Variants in CDKN2AIPNL observed in about 807,000 individuals in gnomAD.
CDKN2AIPNL encodes XRN2 binding domain containing 1.
A neutral mutation model predicts 12.9 loss-of-function variants in CDKN2AIPNL; 9 were observed. The observed-to-expected ratio is 0.70, with a 90% CI of 0.42 to 1.22. The LOEUF is 1.22. Among genes scored for constraint, CDKN2AIPNL ranks in the 50% most tolerant of loss-of-function variants. CDKN2AIPNL has a pLI of 0.00. For synonymous variants in CDKN2AIPNL, 53 were observed against 61.7 expected, an observed-to-expected ratio of 0.86 and a Z score of 0.66; for missense variants, 143 against 153.6, an observed-to-expected ratio of 0.93 and a Z score of 0.37.
At chr5:134,409,286 A>T (rs571230392) in intron 2 of CDKN2AIPNL, among the ~76,000 whole-genome samples, 1 of 152,310 alleles carries the variant, frequency 6.6e-6, no homozygotes, top group African/African-American at 2.4e-5. Flanking sequence ...TGAAACAAGC[A>T]TGTTTTGGAG....
intron 2 of CDKN2AIPNL, among the ~76,000 whole-genome samples, chr5:134,406,232 C>T (rs1759102431): frequency 6.6e-6 from 1 of 152,236 alleles, no homozygotes; most frequent in African/African-American, 2.4e-5. Flanking sequence ...GTCTCCAAAT[C>T]ATCATCACTG....
At chr5:134,406,390 G>C (rs1371057916) in intron 2 of CDKN2AIPNL, among the ~76,000 whole-genome samples, 1 of 152,148 alleles carries the variant, frequency 6.6e-6, no homozygotes, top group Non-Finnish European at 1.5e-5. Context: ...TGGACATCAG[G>C]AGTATTTTGT....
chr5:134,410,924 A>C, intron 1 of CDKN2AIPNL: 1 of 677,542 alleles, frequency 1.5e-6, no homozygotes, highest in South Asian at 1.6e-5. Context: ...GGAGGGGTGA[A>C]AGGAATGCCT....
At chr5:134,408,513 C>CAAAAAAAAA (rs59056879) in intron 2 of CDKN2AIPNL, among the ~76,000 whole-genome samples, 22 of 112,646 alleles carry the variant, frequency 2.0e-4, no homozygotes, top group African/African-American at 5.5e-4. Context: ...ACTAAAAATA[C>CAAAAAAAAA]AAAAAAAAAA....
chr5:134,409,585 T>C (rs894557919), intron 2 of CDKN2AIPNL, among the ~76,000 whole-genome samples: 3 of 151,968 alleles, frequency 2.0e-5, no homozygotes, highest in African/African-American at 7.3e-5. Context: ...AATGAGATTT[T>C]TTAACAAGTA....
At chr5:134,408,841 A>G (rs577563401) in intron 2 of CDKN2AIPNL, among the ~76,000 whole-genome samples, 28 of 152,326 alleles carry the variant, frequency 1.8e-4, no homozygotes, top group African/African-American at 6.0e-4. Context: ...GATTAAAACT[A>G]AAAGAATACT....
chr5:134,406,141 A>T (rs1759101207), intron 2 of CDKN2AIPNL, among the ~76,000 whole-genome samples: 1 of 152,224 alleles, frequency 6.6e-6, no homozygotes, highest in Admixed American at 6.5e-5. Context: ...TTAAAAAAAG[A>T]GCTGGACAGA....
At chr5:134,404,202 G>A (rs1381446561) in intron 2 of CDKN2AIPNL, among the ~76,000 whole-genome samples, 1 of 152,170 alleles carries the variant, frequency 6.6e-6, no homozygotes, top group African/African-American at 2.4e-5. Flanking sequence ...ACTGGTCTGT[G>A]GGATCAGACA....
In CDKN2AIPNL at chr5:134,402,545, G is replaced by A. The variant is rs1215103463; in HGVS notation, c.*370C>T. The A allele has an allele frequency of 5.2e-6, 1 of 192,818 alleles. No individual in the cohort carries two copies. The highest frequency in any genetic ancestry group is 2.3e-5 in the African/African-American group (1 of 43,144). The allele number at this position is 192,818 out of a possible 1,614,324, so 11.9% of individuals were successfully genotyped here. On this transcript the variant is annotated 3_prime_UTR_variant, in exon 3 of 3. Coordinates refer to ENST00000458198, the MANE Select transcript of CDKN2AIPNL (RefSeq NM_080656.3). ...AAAAAACCCTGAAAATATGAGCCCA[G>A]GAGTTCGAGGCTGCAATGAGCCAAT...
rs746024643 is a variant in CDKN2AIPNL, at chr5:134,411,856, G to C, written c.-2C>G. 2 of 1,560,902 alleles carry C rather than the reference G, an allele frequency of 1.3e-6. No homozygotes were observed. The highest frequency in any genetic ancestry group is 1.4e-5 in the African/African-American group (1 of 72,968). On this transcript the variant is annotated 5_prime_UTR_variant, in exon 1 of 3. Coordinates refer to ENST00000458198, the MANE Select transcript of CDKN2AIPNL (RefSeq NM_080656.3). The stretch of plus-strand genomic sequence containing the variant: ...GGCAGCCGCCTCGCCACCGACCATG[G>C]TGCCCGCCGCAGCCGAGGACCGGAT...
chr5:134,411,683 T>C lies in CDKN2AIPNL; in HGVS notation c.172A>G (p.Ser58Gly), dbSNP rs908119480. Residue 58 changes from serine (S) to glycine (G), a missense_variant, in exon 1 of 3, where the codon AGT (serine) becomes GGT (glycine). By Grantham distance (56) the Ser-to-Gly change is moderately conservative. Around this residue, in one of 3 missense-constraint regions of CDKN2AIPNL, gnomAD observed 111 missense variants for 111.4 expected, o/e 1.00. Transcript: ENST00000458198. Reference sequence around the variant, plus strand: ...GAGAGCAGCTGGTCCAGGCGGCCACTGCCGTCGGGCGGGTCGCGGTAGTCG... The same window carrying C: ...GAGAGCAGCTGGTCCAGGCGGCCACCGCCGTCGGGCGGGTCGCGGTAGTCG... ...LPDYRDPPDG[S>G]GRLDQLLSLS... 1.2e-6 allele frequency: 2 copies of C among 1,613,162 alleles called. No individual in the cohort carries two copies. The highest frequency in any genetic ancestry group is 8.5e-7 in the Non-Finnish European group (1 of 1,179,822).
At position 134,411,607 on chromosome 5, in the gene CDKN2AIPNL, G is replaced by A. The variant is rs754907431; in HGVS notation, c.239+9C>T. On this transcript the variant is annotated intron_variant, in intron 1 of 2. Transcript: ENST00000458198. Reference sequence around the variant, plus strand: ...GGGACAGGATCAGCCGGCCGGCAGGGGTCCGCACCTGCAGCCTAGGAAGAG... The same window carrying A: ...GGGACAGGATCAGCCGGCCGGCAGGAGTCCGCACCTGCAGCCTAGGAAGAG... The A allele has an allele frequency of 5.0e-6, 8 of 1,607,830 alleles. No homozygotes were observed. The African/African-American group carries it at 9.4e-5, about 19-fold the overall frequency.
At position 134,402,772 on chromosome 5, in the gene CDKN2AIPNL, G is replaced by A; in HGVS notation, c.*143C>T. On this transcript the variant is annotated 3_prime_UTR_variant, in exon 3 of 3. Coordinates refer to ENST00000458198, the MANE Select transcript of CDKN2AIPNL (RefSeq NM_080656.3). ...TGAGAATGTTAAAAAAGCCAATCTAGACAGAGTCCTTCTCATTCCACCTGC... is the reference window on the plus strand; with the variant it reads ...TGAGAATGTTAAAAAAGCCAATCTAAACAGAGTCCTTCTCATTCCACCTGC... The A allele has an allele frequency of 1.6e-6, 1 of 635,752 alleles. No individual in the cohort carries two copies. The highest frequency in any genetic ancestry group is 2.7e-6 in the Non-Finnish European group (1 of 375,932). 39.4% of individuals were successfully genotyped at this position (635,752 alleles called of 1,614,324 possible).
At chr5:134,411,048 G>A in intron 1 of CDKN2AIPNL, 1 of 702,574 alleles carries the variant, frequency 1.4e-6, no homozygotes, top group Non-Finnish European at 2.6e-6. Context: ...GGAAAGCAGA[G>A]AGGTGAAGCT....
rs530490029 is a variant in CDKN2AIPNL, at chr5:134,411,021, G to A, written c.239+595C>T. The A allele has an allele frequency of 8.5e-6, 6 of 702,276 alleles. No individual in the cohort carries two copies. The Admixed American group carries it at 1.2e-4, about 14-fold the overall frequency. 43.5% of individuals were successfully genotyped at this position (702,276 alleles called of 1,614,324 possible). On this transcript the variant is annotated intron_variant, in intron 1 of 2. Coordinates refer to ENST00000458198, the MANE Select transcript of CDKN2AIPNL (RefSeq NM_080656.3). Reference sequence around the variant, plus strand: ...TTTGAGACCTTCACAAAAAGGCATCGGCCATTTTCATAAGAGGGAAAGCAG... The same window carrying A: ...TTTGAGACCTTCACAAAAAGGCATCAGCCATTTTCATAAGAGGGAAAGCAG...
At position 134,402,204 on chromosome 5, in the gene CDKN2AIPNL, C is replaced by T. The variant is rs910764362; in HGVS notation, c.*711G>A. 1 of 152,140 alleles carries T rather than the reference C, an allele frequency of 6.6e-6. No homozygotes were observed. The highest frequency in any genetic ancestry group is 2.4e-5 in the African/African-American group (1 of 41,392). The allele number at this position is 152,140 out of a possible 1,614,324, so 9.4% of individuals were successfully genotyped here. A position where few individuals can be genotyped will look rare whatever the true frequency, so the allele number is the denominator to read the frequency against. The stretch of plus-strand genomic sequence containing the variant: ...CTCCACCTCCCAGGTTCAAGCAGTT[C>T]TTCTGCTTCAGCCTCCTGAGTAGCT... On this transcript the variant is annotated 3_prime_UTR_variant, in exon 3 of 3. Transcript: ENST00000458198.
intron 1 of CDKN2AIPNL, 95 bp downstream of exon 1, chr5:134,411,521 C>G: frequency 1.8e-6 from 2 of 1,108,942 alleles, no homozygotes; most frequent in Non-Finnish European, 2.6e-6. Flanking sequence ...CGGGTTCAGT[C>G]TGGGGCAGAG....
At chr5:134,408,917 A>C (rs1759148376) in intron 2 of CDKN2AIPNL, among the ~76,000 whole-genome samples, 2 of 152,170 alleles carry the variant, frequency 1.3e-5, no homozygotes, top group Non-Finnish European at 2.9e-5. Context: ...GAAATACTTT[A>C]TGAGCAACTG....
rs190614657 is a variant in CDKN2AIPNL at position 134,402,370 on chromosome 5, G to T, written c.*545C>A. ...TCACCTCGGCCTCCCAAAGTGCTGG[G>T]ATTATTATGGGCATAAGCCACTGTG... On this transcript the variant is annotated 3_prime_UTR_variant, in exon 3 of 3. Coordinates refer to ENST00000458198, the MANE Select transcript of CDKN2AIPNL (RefSeq NM_080656.3). 1 of 152,138 alleles carries T rather than the reference G, an allele frequency of 6.6e-6. No individual in the cohort carries two copies. The highest frequency in any genetic ancestry group is 1.5e-5 in the Non-Finnish European group (1 of 68,106). 9.4% of individuals were successfully genotyped at this position (152,138 alleles called of 1,614,324 possible).
Sources: allele counts gnomAD v4.1 joint callset (sites outside exome capture counted in the v4.1 genomes callset), GRCh38; gene constraint gnomAD v4.1.1; regional missense constraint gnomAD v4.1.1; transcripts MANE v1.5; gene names NCBI Gene and HGNC (gene_info 2026-07-23, HGNC 2026-07-21).